SYNGR3: variants seen among roughly 807,000 people sequenced by gnomAD.
SYNGR3 encodes the protein synaptogyrin-3.
SYNGR3 carries 10 observed loss-of-function variants against 18.5 expected under a neutral mutation model. The observed-to-expected ratio is 0.54, with a 90% CI of 0.33 to 0.92. The LOEUF is 0.92. Among genes scored for constraint, SYNGR3 ranks in the 40% least tolerant of loss-of-function variants. The pLI, the probability that SYNGR3 is intolerant of heterozygous loss-of-function variation, is 0.02. For missense variants in SYNGR3, 335 were observed against 332.8 expected (o/e 1.01, Z -0.05); for synonymous variants, 188 against 157.2 (o/e 1.20, Z -1.47).
chr16:1,990,382 C>T lies in SYNGR3; in HGVS notation c.99+181C>T. 6.8e-6 allele frequency: 3 copies of T among 439,894 alleles called. No individual in the cohort carries two copies. In the South Asian group the frequency reaches 9.0e-5, roughly 13 times the overall value. 27.2% of individuals were successfully genotyped at this position (439,894 alleles called of 1,614,324 possible). On this transcript the variant is annotated intron_variant, in intron 1 of 3. Transcript: ENST00000248121. Reference sequence around the variant, plus strand: ...TGGGGTGACGTCACCGGGCAGGGCGCGCCCACCTGCGGGCGGAGGAGGGGC... The same window carrying T: ...TGGGGTGACGTCACCGGGCAGGGCGTGCCCACCTGCGGGCGGAGGAGGGGC...
chr16:1,992,280 G>A, intron 2 of SYNGR3, 69 bp downstream of exon 2: 1 of 957,940 alleles, frequency 1.0e-6, no homozygotes, highest in Non-Finnish European at 1.4e-6. Context: ...GGGCCTGGGC[G>A]GGGAACACCG....
In SYNGR3 at chr16:1,993,470, G is replaced by T; in HGVS notation, c.*398G>T. The T allele has an allele frequency of 2.0e-6, 1 of 489,300 alleles. No individual in the cohort carries two copies. Among genetic ancestry groups the T allele is most frequent in the Non-Finnish European group, 4.0e-6 (1 of 249,018 alleles). The allele number at this position is 489,300 out of a possible 1,614,324, so 30.3% of individuals were successfully genotyped here. A position where few individuals can be genotyped will look rare whatever the true frequency, so the allele number is the denominator to read the frequency against. On this transcript the variant is annotated 3_prime_UTR_variant, in exon 4 of 4. Coordinates refer to ENST00000248121, the MANE Select transcript of SYNGR3 (RefSeq NM_004209.6). ...GGGGCAGGGGAAAGACACCACCCTC[G>T]CCCCAAGACTGGGGATCCTGGCCAC...
Position 1,993,587 on chromosome 16 carries a change from A to G in SYNGR3, c.*515A>G, listed in dbSNP as rs1350778029. On this transcript the variant is annotated 3_prime_UTR_variant, in exon 4 of 4. Coordinates refer to ENST00000248121, the MANE Select transcript of SYNGR3 (RefSeq NM_004209.6). Reference sequence around the variant, plus strand: ...GGAGCCACTCTCCACTTTCTCTCACAGGCTGCTAGAACAGCCCAGCCCTGT... The same window carrying G: ...GGAGCCACTCTCCACTTTCTCTCACGGGCTGCTAGAACAGCCCAGCCCTGT... The G allele has an allele frequency of 1.1e-5, 5 of 457,440 alleles. No individual in the cohort carries two copies. The Admixed American group carries it at 1.2e-4, about 11-fold the overall frequency. 28.3% of individuals were successfully genotyped at this position (457,440 alleles called of 1,614,324 possible). A position where few individuals can be genotyped will look rare whatever the true frequency, so the allele number is the denominator to read the frequency against.
In SYNGR3 at chr16:1,992,030, C is replaced by T. The variant is rs1471873436; in HGVS notation, c.156C>T (p.Asp52=). 1 of 1,586,216 alleles carries T rather than the reference C, an allele frequency of 6.3e-7. No individual in the cohort carries two copies. The highest frequency in any genetic ancestry group is 1.4e-5 in the African/African-American group (1 of 73,698). ...TCAACGAGGGCTACGTGAACACCGA[C>T]AGCGGCCCCGAGCTGCGCTGCGTGT... is the stretch of plus-strand genomic sequence containing the variant. The part of the protein sequence containing the change: ...PIVNEGYVNT[D]SGPELRCVFN... The change falls in exon 2 of 4, where the codon GAC becomes GAT. Residue 52 remains aspartate, a synonymous_variant. Coordinates refer to ENST00000248121, the MANE Select transcript of SYNGR3 (RefSeq NM_004209.6).
At chr16:1,990,225 C>T (rs1406951873) in intron 1 of SYNGR3, 24 bp downstream of exon 1, 13 of 1,225,008 alleles carry the variant, frequency 1.1e-5, no homozygotes, top group Non-Finnish European at 1.3e-5. Flanking sequence ...GCCCGGGCCC[C>T]CGCTCCCGCC....
Position 1,992,990 on chromosome 16 carries a change from A to C in SYNGR3, c.608A>C (p.Glu203Ala). Residue 203 changes from glutamate to alanine, a missense_variant, in exon 4 of 4, where the codon GAG becomes GCG. Transcript: ENST00000248121. ...GGCTATCCGGTGGGCAGCGGCGTGG[A>C]GGGCACCGAGACCTACCAGAGCCCG... is the stretch of plus-strand genomic sequence containing the variant. ...YPGYPVGSGV[E>A]GTETYQSPPF... The C allele has an allele frequency of 6.2e-7, 1 of 1,611,792 alleles. No homozygotes were observed. Among genetic ancestry groups the C allele is most frequent in the Non-Finnish European group, 8.5e-7 (1 of 1,179,686 alleles).
chr16:1,990,011 ATCAGCG>A lies in SYNGR3; in HGVS notation c.-91_-86del, dbSNP rs2083593390. 2.5e-6 allele frequency: 1 copy of A among 395,610 alleles called. No homozygotes were observed. The highest frequency in any genetic ancestry group is 1.2e-4 in the South Asian group (1 of 8,558). 24.5% of individuals were successfully genotyped at this position (395,610 alleles called of 1,614,324 possible). Reference sequence around the variant, plus strand: ...CAGCGTTGGTAGCATCAGCATCAGCATCAGCGGCAGCGGCAGCGGCCTCGGGCGGGG... The same window carrying A: ...CAGCGTTGGTAGCATCAGCATCAGCAGCAGCGGCAGCGGCCTCGGGCGGGG... On this transcript the variant is annotated 5_prime_UTR_variant, in exon 1 of 4. Coordinates refer to ENST00000248121, the MANE Select transcript of SYNGR3 (RefSeq NM_004209.6).
Position 1,992,093 on chromosome 16 carries a change from G to A in SYNGR3, c.219G>A (p.Ala73=). ...CGGGCGCCTGCCGCTTCGGCGTCGC[G>A]CTGGGCCTCGGAGCCTTCCTCGCCT... ...GNAGACRFGV[A]LGLGAFLACA... is the part of the protein sequence containing the mutation. The change falls in exon 2 of 4, where the codon GCG becomes GCA. Residue 73 remains alanine (A), a synonymous_variant. Transcript: ENST00000248121. 1 of 1,575,616 alleles carries A rather than the reference G, an allele frequency of 6.3e-7. No individual in the cohort carries two copies. Among genetic ancestry groups the A allele is most frequent in the Non-Finnish European group, 8.6e-7 (1 of 1,162,060 alleles).
chr16:1,991,242 CCAAA>C (rs1269924987), intron 1 of SYNGR3: 2 of 152,316 alleles, frequency 1.3e-5, no homozygotes, highest in Non-Finnish European at 2.9e-5. Flanking sequence ...TCTTTTCAGC[CCAAA>C]CACTTACAGG....
chr16:1,990,517 T>G lies in SYNGR3; in HGVS notation c.99+316T>G, dbSNP rs982899722. 7 of 496,258 alleles carry G rather than the reference T, an allele frequency of 1.4e-5. No individual in the cohort carries two copies. In the Admixed American group the frequency reaches 1.6e-4, roughly 12 times the overall value. The allele number at this position is 496,258 out of a possible 1,614,324, so 30.7% of individuals were successfully genotyped here. On this transcript the variant is annotated intron_variant, in intron 1 of 3. Transcript: ENST00000248121. Reference sequence around the variant, plus strand: ...TCCGCAGCCCTTACTCCGTTTTTCCTGTTCTCGTGACCTGGAAGCAGGGAC... The same window carrying G: ...TCCGCAGCCCTTACTCCGTTTTTCCGGTTCTCGTGACCTGGAAGCAGGGAC...
chr16:1,992,495 G>A (rs2083609409), intron 2 of SYNGR3, 141 bp from the exon 3 acceptor site: 5 of 1,196,812 alleles, frequency 4.2e-6, no homozygotes, highest in Non-Finnish European at 5.5e-6. Flanking sequence ...CAGCGCAGGA[G>A]AGGGAGGCGG....
At position 1,992,738 on chromosome 16, in the gene SYNGR3, G is replaced by T; in HGVS notation, c.440G>T (p.Arg147Leu). 1 of 1,584,918 alleles carries T rather than the reference G, an allele frequency of 6.3e-7. No individual in the cohort carries two copies. The highest frequency in any genetic ancestry group is 8.5e-7 in the Non-Finnish European group (1 of 1,169,702). The change falls in exon 3 of 4, where the codon CGG (arginine) becomes CTG (leucine). Residue 147 changes from arginine to leucine, a missense_variant. Coordinates refer to ENST00000248121, the MANE Select transcript of SYNGR3 (RefSeq NM_004209.6). ...ACGACGCAGGCGGGGGACGCGGCGCGGGCCGCCATCGCCTTCAGCTTCTTC... is the reference window on the plus strand; with the variant it reads ...ACGACGCAGGCGGGGGACGCGGCGCTGGCCGCCATCGCCTTCAGCTTCTTC... ...PATTQAGDAARAAIAFSFFSI... is the reference protein window; with the variant it reads ...PATTQAGDAALAAIAFSFFSI...
intron 1 of SYNGR3, chr16:1,990,427 C>G: frequency 2.1e-6 from 1 of 480,626 alleles, no homozygotes; most frequent in Non-Finnish European, 3.8e-6. Context: ...CGGAGAGGGA[C>G]CTTGAGAGGT....
rs867443548 is a variant in SYNGR3, at chr16:1,992,875, G to A, written c.493G>A (p.Val165Met). Residue 165 changes from valine (V) to methionine (M), a missense_variant, in exon 4 of 4, where the codon GTG becomes ATG. Transcript: ENST00000248121. ...CCGCCCCGCGCAGGTGGCGCTCACC[G>A]TGAAGGCCCTGCAGCGGTTCCGCCT... is the stretch of plus-strand genomic sequence containing the variant. Reference protein sequence around the residue: ...FSILSWVALTVKALQRFRLGT... With the variant: ...FSILSWVALTMKALQRFRLGT... 4 of 1,582,024 alleles carry A rather than the reference G, an allele frequency of 2.5e-6. No individual in the cohort carries two copies. The highest frequency in any genetic ancestry group is 3.5e-5 in the Admixed American group (2 of 56,952).
Position 1,993,009 on chromosome 16 carries a change from G to A in SYNGR3, c.627G>A (p.Gln209=), listed in dbSNP as rs1036994682. 36 of 1,612,030 alleles carry A rather than the reference G, an allele frequency of 2.2e-5. No homozygotes were observed. The highest frequency in any genetic ancestry group is 3.0e-5 in the Non-Finnish European group (35 of 1,179,804). Residue 209 remains glutamine (Q), a synonymous_variant, in exon 4 of 4, where the codon CAG becomes CAA. Coordinates refer to ENST00000248121, the MANE Select transcript of SYNGR3 (RefSeq NM_004209.6). The part of the protein sequence containing the change: ...GSGVEGTETY[Q]SPPFTETLDT... ...GCGTGGAGGGCACCGAGACCTACCA[G>A]AGCCCGCCCTTCACCGAGACCCTGG...
chr16:1,992,586 C>T (rs2083610188), intron 2 of SYNGR3, 50 bp from the exon 3 acceptor site: 1 of 1,567,574 alleles, frequency 6.4e-7, no homozygotes, highest in South Asian at 1.1e-5. Flanking sequence ...GGCGAGGCCG[C>T]CGTGGGCCAC....
At chr16:1,992,495 G>C in intron 2 of SYNGR3, 141 bp from the exon 3 acceptor site, 1 of 1,196,812 alleles carries the variant, frequency 8.4e-7, no homozygotes, top group Non-Finnish European at 1.1e-6. Flanking sequence ...CAGCGCAGGA[G>C]AGGGAGGCGG....
intron 2 of SYNGR3, chr16:1,992,421 C>G: frequency 1.3e-6 from 1 of 752,234 alleles, no homozygotes; most frequent in Non-Finnish European, 1.9e-6. Context: ...TCTAGGTAGG[C>G]GGGGCCCGGG....
intron 1 of SYNGR3, 81 bp from the exon 2 acceptor site, chr16:1,991,893 C>G (rs2083605760): frequency 1.6e-6 from 2 of 1,255,720 alleles, no homozygotes; most frequent in East Asian, 2.7e-5. Context: ...AACGCAGGGA[C>G]AGGCCCAGGG....
Sources: allele counts gnomAD v4.1 joint callset, GRCh38; gene constraint gnomAD v4.1.1; transcripts MANE v1.5; gene names NCBI Gene and HGNC (gene_info 2026-07-23, HGNC 2026-07-21).